The following GLUD1 variants were observed in gnomAD, a reference collection of about 807,000 sequenced individuals.
GLUD1 encodes glutamate dehydrogenase 1, mitochondrial.
Under a neutral mutation model 56.0 loss-of-function variants are expected in GLUD1, and 22 were observed. That is an observed-to-expected ratio of 0.39 (90% CI 0.28 to 0.56). The LOEUF is 0.56. Among genes scored for constraint, GLUD1 ranks in the 20% least tolerant of loss-of-function variants. The probability of loss-of-function intolerance (pLI) is 0.58; values close to 1 mark genes in which losing one functional copy is unlikely to be tolerated. For synonymous variants in GLUD1, 223 were observed against 269.9 expected (o/e 0.83, Z 1.70); for missense variants, 451 against 732.0 (o/e 0.62, Z 4.43).
At position 87,062,545 on chromosome 10, in the gene GLUD1, AT is replaced by A. The variant is rs1589360776; in HGVS notation, c.921+110del. ...TTACTCTGAAAACCACCACTCTAAA[AT>A]TTAAGAGATTTGAGATAACTTAATT... On this transcript the variant is annotated intron_variant, in intron 6 of 12. Coordinates refer to ENST00000277865, the MANE Select transcript of GLUD1 (RefSeq NM_005271.5). The A allele has an allele frequency of 1.7e-5, 15 of 907,924 alleles. No individual in the cohort carries two copies. The East Asian group carries it at 3.7e-4, about 22-fold the overall frequency. The allele number at this position is 907,924 out of a possible 1,614,324, so 56.2% of individuals were successfully genotyped here.
chr10:87,093,632 C>A (rs562370090), intron 1 of GLUD1, among the ~76,000 whole-genome samples: 54 of 152,360 alleles, frequency 3.5e-4, no homozygotes, highest in Non-Finnish European at 7.1e-4. Flanking sequence ...CCGCAGCCTA[C>A]AACCTGTAAA....
At chr10:87,090,837 C>T (rs932200989) in intron 1 of GLUD1, among the ~76,000 whole-genome samples, 2 of 152,178 alleles carry the variant, frequency 1.3e-5, no homozygotes, top group East Asian at 1.9e-4. Flanking sequence ...CAATTGAGCA[C>T]AGCAAAATAA....
chr10:87,054,509 C>T (rs889314117), intron 11 of GLUD1, among the ~76,000 whole-genome samples: 5 of 152,096 alleles, frequency 3.3e-5, no homozygotes, highest in African/African-American at 1.2e-4. Context: ...TCAGTTGTAA[C>T]AAGAACTGCT....
At chr10:87,071,895 C>A (rs535418648) in intron 4 of GLUD1, among the ~76,000 whole-genome samples, 128 of 152,266 alleles carry the variant, frequency 8.4e-4, no homozygotes, top group African/African-American at 3.0e-3. Context: ...ATGAGAACTA[C>A]AAAACATCAT....
At chr10:87,070,329 G>T (rs768037273) in intron 4 of GLUD1, among the ~76,000 whole-genome samples, 4 of 151,482 alleles carry the variant, frequency 2.6e-5, no homozygotes, top group African/African-American at 9.7e-5. Flanking sequence ...GGCTGGGCGC[G>T]GTGGCTCACG....
intron 1 of GLUD1, among the ~76,000 whole-genome samples, chr10:87,079,948 C>G (rs1429898004): frequency 1.5e-5 from 2 of 132,560 alleles, no homozygotes; most frequent in Non-Finnish European, 3.1e-5. Context: ...CTCCCTCTCC[C>G]CACGGTCTCC....
At chr10:87,091,690 G>A (rs1178554836) in intron 1 of GLUD1, 1 of 332,354 alleles carries the variant, frequency 3.0e-6, no homozygotes, top group Non-Finnish European at 4.3e-6. Flanking sequence ...GTACACATCA[G>A]CCACCAAGTC....
intron 1 of GLUD1, among the ~76,000 whole-genome samples, chr10:87,079,328 C>T (rs1391602423): frequency 6.6e-6 from 1 of 151,012 alleles, no homozygotes; most frequent in South Asian, 2.1e-4. Context: ...GTCGAAGATG[C>T]TCAGGAGGCT....
rs1048464485 is a variant in GLUD1 at position 87,052,388 on chromosome 10, T to C, written c.1558-518A>G. Among the ~76,000 whole-genome samples, 3 of 152,084 alleles carry C rather than the reference T, an allele frequency of 2.0e-5. No individual in the cohort carries two copies. The South Asian group carries it at 6.2e-4, about 31-fold the overall frequency. Reference sequence around the variant, plus strand: ...CTGTAATCCCGGCTACTCGGGAGACTGAGGAAGGAGAATTGCTTGAAGCCA... The same window carrying C: ...CTGTAATCCCGGCTACTCGGGAGACCGAGGAAGGAGAATTGCTTGAAGCCA... On this transcript the variant is annotated intron_variant, in intron 12 of 12. Coordinates refer to ENST00000277865, the MANE Select transcript of GLUD1 (RefSeq NM_005271.5).
chr10:87,067,453 T>G lies in GLUD1; in HGVS notation c.741+610A>C, dbSNP rs188822755. ...GTTGTCCAGGCTGGTCTCGAACTCC[T>G]GGGCTCAAGTGATCCACCTGCCTTG... On this transcript the variant is annotated intron_variant, in intron 5 of 12. Transcript: ENST00000277865. 1.5e-4 allele frequency among the ~76,000 whole-genome samples: 23 copies of G among 152,366 alleles called. No homozygotes were observed. The East Asian group carries it at 4.0e-3, about 27-fold the overall frequency.
chr10:87,089,544 C>T, intron 1 of GLUD1: 1 of 868,220 alleles, frequency 1.2e-6, no homozygotes, highest in Non-Finnish European at 1.4e-6. Context: ...TAAATGTTAG[C>T]CTTTGCTAAT....
chr10:87,074,560 C>T lies in GLUD1; in HGVS notation c.637G>A (p.Gly213Ser), dbSNP rs371849439. 4.5e-6 allele frequency: 7 copies of T among 1,569,422 alleles called. No individual in the cohort carries two copies. The highest frequency in any genetic ancestry group is 5.3e-6 in the Non-Finnish European group (6 of 1,139,598). Residue 213 changes from glycine (G) to serine (S), a missense_variant, in exon 4 of 13, where the codon GGC (glycine) becomes AGC (serine). Gly to Ser is a moderately conservative substitution (Grantham distance 56, BLOSUM62 0). This residue lies in a region of GLUD1 where 248 missense variants were observed against 460.0 expected (regional missense o/e 0.54). Coordinates refer to ENST00000277865, the MANE Select transcript of GLUD1 (RefSeq NM_005271.5). ...ATGTGGCTACACATACCAATAAAGC[C>T]CTTTTTTGCTAGCTCCATGGTGAAC... ...RRFTMELAKK[G>S]FIGPGIDVPA... is the part of the protein sequence containing the mutation.
chr10:87,094,186 C>T lies in GLUD1; in HGVS notation c.445+139G>A, dbSNP rs1841641599. 7 of 1,377,392 alleles carry T rather than the reference C, an allele frequency of 5.1e-6. No homozygotes were observed. Among genetic ancestry groups the T allele is most frequent in the Non-Finnish European group, 6.8e-6 (7 of 1,036,746 alleles). The allele number at this position is 1,377,392 out of a possible 1,614,324, so 85.3% of individuals were successfully genotyped here. Reference sequence around the variant, plus strand: ...TCCACAGAGCCGGCCACATCCGAGGCGGGGTGACCCGGGCGGGGACCCGGC... The same window carrying T: ...TCCACAGAGCCGGCCACATCCGAGGTGGGGTGACCCGGGCGGGGACCCGGC... On this transcript the variant is annotated intron_variant, in intron 1 of 12. Coordinates refer to ENST00000277865, the MANE Select transcript of GLUD1 (RefSeq NM_005271.5). This position sits in a 1 kb window ranked among gnomAD's most constrained non-coding sequence, Gnocchi z 6.6.
Position 87,062,581 on chromosome 10 carries a change from C to T in GLUD1, c.921+75G>A, listed in dbSNP as rs1845964399. On this transcript the variant is annotated intron_variant, in intron 6 of 12. Coordinates refer to ENST00000277865, the MANE Select transcript of GLUD1 (RefSeq NM_005271.5). Reference sequence around the variant, plus strand: ...TTGAGATAACTTAATTTTAAAATTACAATTCTAAAAACATTGAAAACTTTA... The same window carrying T: ...TTGAGATAACTTAATTTTAAAATTATAATTCTAAAAACATTGAAAACTTTA... 2.8e-6 allele frequency: 3 copies of T among 1,081,996 alleles called. No homozygotes were observed. The South Asian group carries it at 4.2e-5, about 15-fold the overall frequency. The allele number at this position is 1,081,996 out of a possible 1,614,324, so 67.0% of individuals were successfully genotyped here.
intron 4 of GLUD1, among the ~76,000 whole-genome samples, chr10:87,073,522 T>G (rs545045317): frequency 6.6e-6 from 1 of 152,194 alleles, no homozygotes; most frequent in African/African-American, 2.4e-5. Flanking sequence ...AAAATACACT[T>G]TATTTTCTAT....
intron 1 of GLUD1, among the ~76,000 whole-genome samples, chr10:87,088,181 T>C (rs564262669): frequency 1.3e-5 from 2 of 151,538 alleles, no homozygotes; most frequent in Non-Finnish European, 2.9e-5. Flanking sequence ...GTTTTGTTTT[T>C]TTTTTTGTCA....
intron 5 of GLUD1, among the ~76,000 whole-genome samples, chr10:87,063,248 T>C (rs1260927489): frequency 1.3e-5 from 2 of 150,898 alleles, no homozygotes; most frequent in Non-Finnish European, 3.0e-5. Context: ...TAATTTTGTG[T>C]TTTTAGTAGA....
intron 1 of GLUD1, among the ~76,000 whole-genome samples, chr10:87,086,763 G>A (rs1337361686): frequency 2.6e-5 from 4 of 151,244 alleles, no homozygotes; most frequent in Non-Finnish European, 5.9e-5. Context: ...CCCAGGAGGC[G>A]GAGCTTGCAG....
intron 4 of GLUD1, among the ~76,000 whole-genome samples, chr10:87,070,839 T>C (rs1440774144): frequency 6.6e-6 from 1 of 151,866 alleles, no homozygotes; most frequent in African/African-American, 2.4e-5. Flanking sequence ...AGATTACAAG[T>C]AGTTCCTGAG....
Sources: gnomAD v4.1 joint callset for allele counts (sites outside exome capture counted in the v4.1 genomes callset) on GRCh38, gnomAD v4.1.1 for gene constraint, gnomAD v4.1.1 regional missense constraint, Gnocchi (gnomAD v3.1) non-coding constraint, MANE v1.5 for transcripts, NCBI Gene and HGNC (gene_info 2026-07-23, HGNC 2026-07-21) for gene names.